The following RAB37 variants were observed in gnomAD, a reference collection of about 807,000 sequenced individuals.
RAB37 encodes the protein ras-related protein Rab-37.
In RAB37, 29 loss-of-function variants were observed where a neutral mutation model predicts 33.1. The ratio of observed to expected loss-of-function variants is 0.88; its 90% CI spans 0.65 to 1.20. RAB37 has a LOEUF of 1.20. Ranked by LOEUF, RAB37 falls within the 50% of genes most tolerant of loss-of-function variation. The probability of loss-of-function intolerance (pLI) is 0.00; values close to 1 mark genes in which losing one functional copy is unlikely to be tolerated. For missense variants in RAB37, 299 were observed against 301.1 expected (o/e 0.99, Z 0.05); for synonymous variants, 128 against 119.5 (o/e 1.07, Z -0.47).
intron 1 of RAB37, among the ~76,000 whole-genome samples, chr17:74,691,134 G>A (rs2032150030): frequency 6.6e-6 from 1 of 152,076 alleles, no homozygotes; most frequent in Admixed American, 6.6e-5. Flanking sequence ...TCAGCCTCTG[G>A]AGTAGCTGGG....
rs1252434585 is a variant in RAB37, at chr17:74,740,772, T to A, written c.98T>A (p.Met33Lys). ...SPSYDLTGKV[M>K]LLGDTGVGKT... is the part of the protein sequence containing the mutation. ...GCCTCTGCCCCTACCCCCTAGGTGA[T>A]GCTTCTGGGAGACACAGGCGTCGGC... The change falls in exon 2 of 9, where the codon ATG becomes AAG. Residue 33 changes from methionine (M) to lysine (K), a missense_variant. Transcript: ENST00000392613. 6.2e-7 allele frequency: 1 copy of A among 1,613,134 alleles called. No individual in the cohort carries two copies. The highest frequency in any genetic ancestry group is 1.1e-5 in the South Asian group (1 of 91,066).
At chr17:74,682,519 C>T (rs1261092024) in intron 1 of RAB37, among the ~76,000 whole-genome samples, 1 of 152,178 alleles carries the variant, frequency 6.6e-6, no homozygotes, top group East Asian at 1.9e-4. Flanking sequence ...ATACTATAGC[C>T]AGAGGGTAGA....
chr17:74,687,303 A>G (rs1182527350), intron 1 of RAB37, among the ~76,000 whole-genome samples: 1 of 151,704 alleles, frequency 6.6e-6, no homozygotes, highest in African/African-American at 2.4e-5. Context: ...GGCTCACTGC[A>G]ACCTCCATCT....
chr17:74,694,404 G>A (rs1370997537), intron 1 of RAB37: 2 of 152,184 alleles, frequency 1.3e-5, no homozygotes, highest in East Asian at 1.9e-4. Context: ...TCAAGGCGTG[G>A]GCAGGGCTGG....
At chr17:74,719,202 C>A (rs2034207051) in intron 1 of RAB37, among the ~76,000 whole-genome samples, 1 of 152,186 alleles carries the variant, frequency 6.6e-6, no homozygotes, top group African/African-American at 2.4e-5. Context: ...AATCTCAGCA[C>A]TTTGGGAGGC....
chr17:74,744,087 G>A lies in RAB37; in HGVS notation c.367-221G>A, dbSNP rs766658917. On this transcript the variant is annotated intron_variant, in intron 5 of 8. Coordinates refer to ENST00000392613, the MANE Select transcript of RAB37 (RefSeq NM_001006638.3). This position sits in a 1 kb window ranked among gnomAD's most constrained non-coding sequence, Gnocchi z 4.2. ...ATGCATCTGGATCTTCCATAGAACT[G>A]ATAGTTGCACAGCATAAAATGGTGA... 2.6e-5 allele frequency among the ~76,000 whole-genome samples: 4 copies of A among 152,126 alleles called. No individual in the cohort carries two copies. Among genetic ancestry groups the A allele is most frequent in the Non-Finnish European group, 4.4e-5 (3 of 68,032 alleles).
chr17:74,692,357 A>G (rs1305362593), intron 1 of RAB37, among the ~76,000 whole-genome samples: 1 of 152,076 alleles, frequency 6.6e-6, no homozygotes, highest in Admixed American at 6.5e-5. Context: ...CTTGGGCTCC[A>G]TGAAGTCCCC....
At chr17:74,733,467 G>GT (rs1491160016), upstream of RAB37, among the ~76,000 whole-genome samples, 9 of 538 alleles carry the variant, frequency 0.017, no homozygotes, top group East Asian at 0.029. Context: ...TGATTTGAGG[G>GT]ATGTGTGTGG....
intron 1 of RAB37, among the ~76,000 whole-genome samples, chr17:74,691,537 T>C (rs953569630): frequency 1.3e-5 from 2 of 152,148 alleles, no homozygotes; most frequent in Non-Finnish European, 2.9e-5. Flanking sequence ...GGTCTTCCCA[T>C]GCTGTTTCAC....
At chr17:74,683,614 AG>A (rs2031997417) in intron 1 of RAB37, among the ~76,000 whole-genome samples, 1 of 152,204 alleles carries the variant, frequency 6.6e-6, no homozygotes, top group African/African-American at 2.4e-5. Context: ...TGTTTGTACA[AG>A]GACCCCTGTA....
At position 74,745,262 on chromosome 17, in the gene RAB37, C is replaced by CCAGCA; in HGVS notation, c.567-40_567-39insACAGC. 1 of 1,554,954 alleles carries CCAGCA rather than the reference C, an allele frequency of 6.4e-7. No individual in the cohort carries two copies. The highest frequency in any genetic ancestry group is 1.1e-5 in the South Asian group (1 of 89,652). ...GGAGGGGGCGGCTCAGCTCCTCACC[C>CCAGCA]CAGCCCAGCCCAGCCCAGCCCAGCC... On this transcript the variant is annotated intron_variant, in intron 8 of 8. Transcript: ENST00000392613. The surrounding 1 kb of genome is among the most constrained non-coding windows in gnomAD (Gnocchi z 4.5).
chr17:74,716,036 A>C (rs1472238544), intron 1 of RAB37, among the ~76,000 whole-genome samples: 2 of 152,158 alleles, frequency 1.3e-5, no homozygotes, highest in East Asian at 3.8e-4. Flanking sequence ...CTGTCTCAAA[A>C]AGAAAAAGCA....
chr17:74,705,306 T>A, intron 1 of RAB37: 3 of 690,694 alleles, frequency 4.3e-6, no homozygotes, highest in Non-Finnish European at 5.3e-6. Context: ...TTCTAGTGGT[T>A]CTGGAATAAA....
chr17:74,740,759 A>AC lies in RAB37; in HGVS notation c.94-4dup. On this transcript the variant is annotated splice_polypyrimidine_tract_variant and intron_variant, in intron 1 of 8. Coordinates refer to ENST00000392613, the MANE Select transcript of RAB37 (RefSeq NM_001006638.3). The stretch of plus-strand genomic sequence containing the variant: ...CTCCCCATTAACTGCCTCTGCCCCT[A>AC]CCCCCTAGGTGATGCTTCTGGGAGA... The AC allele has an allele frequency of 1.2e-6, 2 of 1,602,924 alleles. No homozygotes were observed. Among genetic ancestry groups the AC allele is most frequent in the South Asian group, 1.1e-5 (1 of 90,876 alleles).
Position 74,742,460 on chromosome 17 carries a change from G to T in RAB37, c.246+165G>T, listed in dbSNP as rs562959566. Among the ~76,000 whole-genome samples the T allele has an allele frequency of 8.3e-4, 126 of 152,130 alleles. No homozygotes were observed. Among genetic ancestry groups the T allele is most frequent in the Middle Eastern group, 3.2e-3 (1 of 316 alleles). ...TTATTTGACATCTGCAGAAAAAGCAGTTCCCAGGCACCCTCTCATCTATGA... is the reference window on the plus strand; with the variant it reads ...TTATTTGACATCTGCAGAAAAAGCATTTCCCAGGCACCCTCTCATCTATGA... On this transcript the variant is annotated intron_variant, in intron 3 of 8. Coordinates refer to ENST00000392613, the MANE Select transcript of RAB37 (RefSeq NM_001006638.3). The surrounding 1 kb of genome is among the most constrained non-coding windows in gnomAD (Gnocchi z 4.0).
intron 1 of RAB37, chr17:74,698,509 A>G (rs776671485): frequency 6.3e-7 from 1 of 1,594,066 alleles, no homozygotes; most frequent in Non-Finnish European, 8.5e-7. Context: ...CGTCCCCTGC[A>G]TCCCAGGCTC....
rs768749884 is a variant in RAB37 at position 74,696,145 on chromosome 17, G to A, written c.72+24487G>A. 2.5e-6 allele frequency: 4 copies of A among 1,573,622 alleles called. No individual in the cohort carries two copies. The South Asian group carries it at 3.5e-5, about 14-fold the overall frequency. On this transcript the variant is annotated intron_variant, in intron 1 of 7. Transcript: ENST00000340415. ...TTCTGAGAGATGGAAAATGAGGAAG[G>A]GGAAAGAAGCTGCCTGGTCTCTCTG...
chr17:74,671,439 G>C lies in RAB37; in HGVS notation c.-148G>C. On this transcript the variant is annotated 5_prime_UTR_variant, in exon 1 of 8. Coordinates refer to the RAB37 transcript ENST00000340415. The surrounding 1 kb of genome is among the most constrained non-coding windows in gnomAD (Gnocchi z 5.0). ...CCTGGTACCGCGCCGCGGCCGCTGC[G>C]GGGAACTGTCCAGTGCTGAAAACGG... is the stretch of plus-strand genomic sequence containing the variant. 1 of 680,230 alleles carries C rather than the reference G, an allele frequency of 1.5e-6. No homozygotes were observed. The highest frequency in any genetic ancestry group is 2.5e-6 in the Non-Finnish European group (1 of 404,840). The allele number at this position is 680,230 out of a possible 1,614,324, so 42.1% of individuals were successfully genotyped here. A position where few individuals can be genotyped will look rare whatever the true frequency, so the allele number is the denominator to read the frequency against.
upstream of RAB37, chr17:74,737,229 T>C: frequency 6.5e-7 from 1 of 1,537,378 alleles, no homozygotes. Context: ...TCCTGCGCTC[T>C]CCTTCGCCTG....
Sources: gnomAD v4.1 joint callset for allele counts (sites outside exome capture counted in the v4.1 genomes callset) on GRCh38, gnomAD v4.1.1 for gene constraint, Gnocchi (gnomAD v3.1) non-coding constraint, MANE v1.5 for transcripts, NCBI Gene and HGNC (gene_info 2026-07-23, HGNC 2026-07-21) for gene names.